The following PTGIS variants were observed in gnomAD, a reference collection of about 807,000 sequenced individuals.
PTGIS encodes prostaglandin I2 synthase.
A neutral mutation model predicts 50.3 loss-of-function variants in PTGIS; 45 were observed. That is an observed-to-expected ratio of 0.90 (90% CI 0.70 to 1.15). The LOEUF (loss-of-function observed/expected upper bound fraction) is 1.15. Ranked by LOEUF, PTGIS falls within the 50% of genes most tolerant of loss-of-function variation. The pLI is 0.00. For synonymous variants in PTGIS, 260 were observed against 267.7 expected (o/e 0.97, Z 0.28); for missense variants, 668 against 661.3 (o/e 1.01, Z -0.11).
chr20:49,513,072 C>T lies in PTGIS; in HGVS notation c.1206+8G>A, dbSNP rs749369965. 3.1e-6 allele frequency: 5 copies of T among 1,614,134 alleles called. No homozygotes were observed. The Admixed American group carries it at 6.7e-5, about 22-fold the overall frequency. On this transcript the variant is annotated splice_region_variant and intron_variant, in intron 8 of 9. Transcript: ENST00000244043. ...GACCCCATATGACCAGGCGCCCCTG[C>T]CATTTACCTCTGGGTCTGTGTAGAT... is the stretch of plus-strand genomic sequence containing the variant.
At position 49,504,292 on chromosome 20, in the gene PTGIS, C is replaced by G. The variant is rs1454703607; in HGVS notation, c.*3628G>C. 1 of 152,286 alleles carries G rather than the reference C, an allele frequency of 6.6e-6. No individual in the cohort carries two copies. Among genetic ancestry groups the G allele is most frequent in the Non-Finnish European group, 1.5e-5 (1 of 68,076 alleles). 9.4% of individuals were successfully genotyped at this position (152,286 alleles called of 1,614,324 possible). A position where few individuals can be genotyped will look rare whatever the true frequency, so the allele number is the denominator to read the frequency against. Reference sequence around the variant, plus strand: ...CAGCCTTGGCCACACCAGCATGGAGCCCCCTTCCCCAGCGAATTTATTTTT... The same window carrying G: ...CAGCCTTGGCCACACCAGCATGGAGGCCCCTTCCCCAGCGAATTTATTTTT... On this transcript the variant is annotated 3_prime_UTR_variant, in exon 10 of 10. Transcript: ENST00000244043.
chr20:49,519,212 G>A (rs1356131103), intron 6 of PTGIS, among the ~76,000 whole-genome samples: 2 of 150,858 alleles, frequency 1.3e-5, no homozygotes, highest in African/African-American at 2.4e-5. Context: ...GGCCCACAGA[G>A]TCCTCCCTGG....
chr20:49,561,937 T>C (rs1982788806), intron 1 of PTGIS, among the ~76,000 whole-genome samples: 1 of 152,216 alleles, frequency 6.6e-6, no homozygotes, highest in East Asian at 1.9e-4. Context: ...ATGGCTAACA[T>C]TTAATGAACG....
Position 49,539,741 on chromosome 20 carries a change from G to C in PTGIS, c.522-20C>G, listed in dbSNP as rs6012687. Reference sequence around the variant, plus strand: ...CCGGCTCTGGGGGCGGCAGACAGAGGGTCAGGGGTCCTCCTGGGACACTCA... The same window carrying C: ...CCGGCTCTGGGGGCGGCAGACAGAGCGTCAGGGGTCCTCCTGGGACACTCA... On this transcript the variant is annotated intron_variant, in intron 4 of 9. Coordinates refer to ENST00000244043, the MANE Select transcript of PTGIS (RefSeq NM_000961.4). 6.2e-7 allele frequency: 1 copy of C among 1,605,176 alleles called. No individual in the cohort carries two copies. Among genetic ancestry groups the C allele is most frequent in the African/African-American group, 1.3e-5 (1 of 74,754 alleles).
At chr20:49,549,209 C>T (rs1982443299) in intron 2 of PTGIS, among the ~76,000 whole-genome samples, 1 of 152,106 alleles carries the variant, frequency 6.6e-6, no homozygotes, top group Admixed American at 6.6e-5. Context: ...GTTCCAGGAC[C>T]TCCTGCAGAT....
At chr20:49,556,667 C>T (rs1000539024) in intron 1 of PTGIS, among the ~76,000 whole-genome samples, 1 of 152,102 alleles carries the variant, frequency 6.6e-6, no homozygotes, top group Non-Finnish European at 1.5e-5. Flanking sequence ...ATAAGTTGGT[C>T]CTACTATGAT....
Position 49,511,064 on chromosome 20 carries a change from C to G in PTGIS, c.1322G>C (p.Cys441Ser), listed in dbSNP as rs773371508. ...NMPWGAGHNHCLGRSYAVNSI... is the reference protein window; with the variant it reads ...NMPWGAGHNHSLGRSYAVNSI... Reference sequence around the variant, plus strand: ...GTTGACCGCATAACTCCTCCCCAGGCAGTGATTGTGCCCCGCCCCCCAGGG... The same window carrying G: ...GTTGACCGCATAACTCCTCCCCAGGGAGTGATTGTGCCCCGCCCCCCAGGG... The change falls in exon 9 of 10, where the codon TGC becomes TCC. Residue 441 changes from cysteine to serine, a missense_variant. Physicochemically the swap from Cys to Ser is moderately radical, Grantham distance 112. Coordinates refer to ENST00000244043, the MANE Select transcript of PTGIS (RefSeq NM_000961.4). 1 of 1,614,018 alleles carries G rather than the reference C, an allele frequency of 6.2e-7. No individual in the cohort carries two copies. The highest frequency in any genetic ancestry group is 8.5e-7 in the Non-Finnish European group (1 of 1,180,002).
chr20:49,566,822 G>C (rs1179119065), intron 1 of PTGIS, among the ~76,000 whole-genome samples: 2 of 152,224 alleles, frequency 1.3e-5, no homozygotes, highest in Non-Finnish European at 2.9e-5. Context: ...TGGAACAAAA[G>C]AGGACAGTAA....
At chr20:49,524,033 C>T (rs1358565922) in intron 6 of PTGIS, 25 bp downstream of exon 6, 1 of 1,613,872 alleles carries the variant, frequency 6.2e-7, no homozygotes, top group African/African-American at 1.3e-5. Flanking sequence ...CACCTGCACA[C>T]ACCCACTTGC....
intron 1 of PTGIS, 133 bp from the exon 2 acceptor site, chr20:49,550,322 C>T (rs1982474679): frequency 3.4e-6 from 4 of 1,160,284 alleles, no homozygotes; most frequent in Middle Eastern, 2.8e-4. Flanking sequence ...ACTATTGCCT[C>T]ACCTGCTCCT....
intron 6 of PTGIS, among the ~76,000 whole-genome samples, chr20:49,519,641 C>T (rs1379538425): frequency 3.9e-5 from 6 of 152,054 alleles, no homozygotes; most frequent in African/African-American, 1.4e-4. Flanking sequence ...AACTTGAACT[C>T]CAGACTCTCT....
At chr20:49,553,485 T>A (rs1264146249) in intron 1 of PTGIS, among the ~76,000 whole-genome samples, 1 of 151,956 alleles carries the variant, frequency 6.6e-6, no homozygotes, top group African/African-American at 2.4e-5. Flanking sequence ...TTTTAAAAAA[T>A]TAATTAGGTA....
At chr20:49,559,286 A>G (rs1982701352) in intron 1 of PTGIS, among the ~76,000 whole-genome samples, 1 of 152,102 alleles carries the variant, frequency 6.6e-6, no homozygotes, top group Non-Finnish European at 1.5e-5. Flanking sequence ...CATGATTTTT[A>G]TCTTCTATAT....
intron 8 of PTGIS, among the ~76,000 whole-genome samples, 164 bp from the exon 9 acceptor site, chr20:49,511,343 G>C (rs182560031): frequency 1.3e-5 from 2 of 152,244 alleles, no homozygotes; most frequent in African/African-American, 4.8e-5. Context: ...ATGGCAAAAG[G>C]TTTGTGTGTA....
chr20:49,530,154 C>A (rs74653162), intron 5 of PTGIS, among the ~76,000 whole-genome samples: 8 of 128,826 alleles, frequency 6.2e-5, no homozygotes, highest in Non-Finnish European at 1.2e-4. Context: ...AACTCTGTCT[C>A]AAAAAAAAAA....
chr20:49,536,269 A>G (rs1412434053), intron 5 of PTGIS, among the ~76,000 whole-genome samples: 5 of 152,198 alleles, frequency 3.3e-5, no homozygotes, highest in Non-Finnish European at 7.3e-5. Flanking sequence ...CTGAATTGTT[A>G]ACCACAAGAT....
intron 5 of PTGIS, among the ~76,000 whole-genome samples, chr20:49,531,715 C>A (rs1389637143): frequency 6.6e-6 from 1 of 152,300 alleles, no homozygotes; most frequent in African/African-American, 2.4e-5. Context: ...CACCCTCAAC[C>A]TCCTGGGCTC....
intron 1 of PTGIS, among the ~76,000 whole-genome samples, chr20:49,565,018 T>C (rs1982862103): frequency 6.6e-6 from 1 of 150,660 alleles, no homozygotes; most frequent in Non-Finnish European, 1.5e-5. Flanking sequence ...TCGCCCAGGC[T>C]GGAGTGCAGT....
Position 49,547,925 on chromosome 20 carries a change from G to A in PTGIS, c.293C>T (p.Ala98Val). Residue 98 changes from alanine (A) to valine (V), a missense_variant, in exon 3 of 10, where the codon GCC (alanine) becomes GTC (valine). Transcript: ENST00000244043. ...CCTCTCCATGAGGAAGATGGCATAG[G>A]CATGGAAGTCGAGCCTGGTGCGAGG... is the stretch of plus-strand genomic sequence containing the variant. ...WEPRTRLDFH[A>V]YAIFLMERIF... 8 of 1,614,152 alleles carry A rather than the reference G, an allele frequency of 5.0e-6. No homozygotes were observed. The highest frequency in any genetic ancestry group is 2.7e-5 in the African/African-American group (2 of 75,050).
Sources: gnomAD v4.1 joint callset for allele counts (sites outside exome capture counted in the v4.1 genomes callset) on GRCh38, gnomAD v4.1.1 for gene constraint, MANE v1.5 for transcripts, NCBI Gene and HGNC (gene_info 2026-07-23, HGNC 2026-07-21) for gene names.